LDB2: variants seen among roughly 807,000 people sequenced by gnomAD.
The protein encoded by LDB2 is LIM domain binding 2, also known as LIM domain-binding protein 2.
A neutral mutation model predicts 44.3 loss-of-function variants in LDB2; 12 were observed. That is an observed-to-expected ratio of 0.27 (90% CI 0.17 to 0.44). The LOEUF is 0.44. LDB2 is among the 20% of genes least tolerant of loss of function. LDB2 has a pLI of 1.00. For missense variants in LDB2, 344 were observed against 473.5 expected (o/e 0.73, Z 2.54); for synonymous variants, 164 against 174.8 (o/e 0.94, Z 0.49).
At chr4:16,551,230 A>G (rs1737544900) in intron 5 of LDB2, among the ~76,000 whole-genome samples, 1 of 152,206 alleles carries the variant, frequency 6.6e-6, no homozygotes, top group Non-Finnish European at 1.5e-5. Flanking sequence ...AAATAAAAAG[A>G]CTCAAGTATT....
chr4:16,852,905 A>C (rs1788573300), intron 1 of LDB2, among the ~76,000 whole-genome samples: 1 of 152,188 alleles, frequency 6.6e-6, no homozygotes, highest in Non-Finnish European at 1.5e-5. Flanking sequence ...AGTTGGCCAG[A>C]ATTTGAAGAT....
intron 2 of LDB2, among the ~76,000 whole-genome samples, chr4:16,657,726 C>T (rs1268510053): frequency 1.3e-5 from 2 of 152,226 alleles, no homozygotes; most frequent in East Asian, 3.8e-4. Flanking sequence ...GCGTCTGGAA[C>T]ACCTTTCCCC....
At chr4:16,856,196 C>A (rs143600729) in intron 1 of LDB2, among the ~76,000 whole-genome samples, 5 of 152,154 alleles carry the variant, frequency 3.3e-5, no homozygotes, top group Admixed American at 3.3e-4. Context: ...TGAAACAATG[C>A]CGAAACAAAA....
chr4:16,865,023 A>G (rs1209414167), intron 1 of LDB2, among the ~76,000 whole-genome samples: 1 of 152,092 alleles, frequency 6.6e-6, no homozygotes, highest in Non-Finnish European at 1.5e-5. Flanking sequence ...AAGTGGGCAG[A>G]TCACTTGAGG....
chr4:16,845,584 C>G (rs768532405), intron 1 of LDB2, among the ~76,000 whole-genome samples: 9 of 152,184 alleles, frequency 5.9e-5, no homozygotes, highest in Non-Finnish European at 1.3e-4. Flanking sequence ...CCAACATCTA[C>G]TGTTTCTTGC....
chr4:16,781,864 T>C (rs1287746985), intron 1 of LDB2, among the ~76,000 whole-genome samples: 2 of 152,118 alleles, frequency 1.3e-5, no homozygotes, highest in African/African-American at 2.4e-5. Flanking sequence ...AAGCCCACCA[T>C]GTAAAGATGG....
intron 1 of LDB2, among the ~76,000 whole-genome samples, chr4:16,881,602 CTTT>C (rs34180998): frequency 1.5e-5 from 2 of 133,206 alleles, no homozygotes; most frequent in Non-Finnish European, 1.6e-5. Flanking sequence ...GAATTTGGGC[CTTT>C]TTTTTTTTTT....
chr4:16,705,584 C>G (rs1379757529), intron 2 of LDB2, among the ~76,000 whole-genome samples: 1 of 152,168 alleles, frequency 6.6e-6, no homozygotes, highest in Non-Finnish European at 1.5e-5. Context: ...CAGGGCTGCC[C>G]TAGCCTACCA....
intron 1 of LDB2, among the ~76,000 whole-genome samples, chr4:16,833,717 A>G (rs1380106210): frequency 1.3e-5 from 2 of 151,852 alleles, no homozygotes. Flanking sequence ...TAATTTTTGT[A>G]TTTTTAGTAG....
chr4:16,835,610 G>T (rs1024930651), intron 1 of LDB2, among the ~76,000 whole-genome samples: 2 of 152,134 alleles, frequency 1.3e-5, no homozygotes, highest in South Asian at 4.1e-4. Context: ...TTTCCCCTAG[G>T]TAATTAAATT....
rs375782508 is a variant in LDB2, at chr4:16,665,987, C to T, written c.236-70112G>A. Among the ~76,000 whole-genome samples, 77 of 152,216 alleles carry T rather than the reference C, an allele frequency of 5.1e-4. No individual in the cohort carries two copies. The South Asian group carries it at 0.015, about 30-fold the overall frequency. The stretch of plus-strand genomic sequence containing the variant: ...ACAATACAAGAAGCCAGGATGGGGG[C>T]CTGGAACAATCTCCCTCAGAGCCCT... On this transcript the variant is annotated intron_variant, in intron 2 of 7. Transcript: ENST00000304523.
chr4:16,869,978 C>T (rs188058102), intron 1 of LDB2, among the ~76,000 whole-genome samples: 16 of 152,254 alleles, frequency 1.1e-4, no homozygotes, highest in South Asian at 2.1e-4. Context: ...TCTTTGGGGA[C>T]TTGTTCTTTC....
chr4:16,771,530 C>A (rs1770685304), intron 1 of LDB2, among the ~76,000 whole-genome samples: 1 of 152,168 alleles, frequency 6.6e-6, no homozygotes, highest in South Asian at 2.1e-4. Flanking sequence ...ATGGCCAAAG[C>A]CAGATATCTC....
chr4:16,587,185 ATGT>A (rs1208194354), intron 4 of LDB2, among the ~76,000 whole-genome samples: 2 of 152,196 alleles, frequency 1.3e-5, no homozygotes, highest in East Asian at 3.9e-4. Context: ...AAATGCAAAA[ATGT>A]TGTTCCTGCT....
At chr4:16,637,768 G>A (rs983768325) in intron 2 of LDB2, among the ~76,000 whole-genome samples, 1 of 152,146 alleles carries the variant, frequency 6.6e-6, no homozygotes, top group African/African-American at 2.4e-5. Context: ...TCTTAATTAT[G>A]AAGACTTCTT....
chr4:16,896,711 C>T (rs1725128381), intron 1 of LDB2, among the ~76,000 whole-genome samples: 1 of 152,082 alleles, frequency 6.6e-6, no homozygotes, highest in Non-Finnish European at 1.5e-5. Flanking sequence ...ATTTGTATTG[C>T]AATTAATGTG....
intron 2 of LDB2, among the ~76,000 whole-genome samples, chr4:16,685,485 A>T (rs1262476023): frequency 2.0e-5 from 3 of 152,162 alleles, no homozygotes; most frequent in Non-Finnish European, 4.4e-5. Context: ...ACACGGTGAG[A>T]TGAGTTACAT....
chr4:16,563,802 A>G lies in LDB2; in HGVS notation c.615+22120T>C, dbSNP rs375664884. On this transcript the variant is annotated intron_variant, in intron 5 of 7. Transcript: ENST00000304523. ...AGCATAGCAGAAAGACTGGAAGGCA[A>G]TCACACCATGGCGGACCTGATCATG... is the stretch of plus-strand genomic sequence containing the variant. Among the ~76,000 whole-genome samples the G allele has an allele frequency of 2.3e-3, 353 of 152,066 alleles. 2 individuals carry two copies. The highest frequency in any genetic ancestry group is 8.0e-3 in the African/African-American group (332 of 41,476).
intron 1 of LDB2, among the ~76,000 whole-genome samples, chr4:16,814,983 G>C (rs1038641150): frequency 6.6e-6 from 1 of 152,216 alleles, no homozygotes; most frequent in Non-Finnish European, 1.5e-5. Flanking sequence ...CCGATTTATG[G>C]AGAAGAGCAT....
Sources: allele counts gnomAD v4.1 joint callset (sites outside exome capture counted in the v4.1 genomes callset), GRCh38; gene constraint gnomAD v4.1.1; transcripts MANE v1.5; gene names NCBI Gene and HGNC (gene_info 2026-07-23, HGNC 2026-07-21).